BIRC6: variants seen among roughly 807,000 people sequenced by gnomAD.
BIRC6 encodes the protein baculoviral IAP repeat containing 6.
A neutral mutation model predicts 503.3 loss-of-function variants in BIRC6; 98 were observed. The observed-to-expected ratio is 0.19, with a 90% confidence interval of 0.17 to 0.23. The LOEUF is 0.23. Among genes scored for constraint, BIRC6 ranks in the 10% least tolerant of loss-of-function variants. The pLI is 1.00. For synonymous variants in BIRC6, 2,240 were observed against 2,078.7 expected (o/e 1.08, Z -2.11); for missense variants, 5,360 against 5,806.0 (o/e 0.92, Z 2.50).
At chr2:32,511,812 T>A (rs1346948629) in intron 53 of BIRC6, among the ~76,000 whole-genome samples, 1 of 152,126 alleles carries the variant, frequency 6.6e-6, no homozygotes, top group Non-Finnish European at 1.5e-5. Context: ...TTTATTAATA[T>A]CTTTATAAAT....
At chr2:32,524,509 T>C (rs929096412) in intron 57 of BIRC6, among the ~76,000 whole-genome samples, 7 of 152,194 alleles carry the variant, frequency 4.6e-5, no homozygotes, top group Admixed American at 2.6e-4. Flanking sequence ...ATTTTGAAAA[T>C]AACATTCATT....
intron 10 of BIRC6, among the ~76,000 whole-genome samples, chr2:32,424,480 T>A (rs574949535): frequency 1.3e-5 from 2 of 151,378 alleles, no homozygotes; most frequent in East Asian, 3.9e-4. Flanking sequence ...TACCTAGGAG[T>A]GGAATTGTTG....
At chr2:32,557,792 C>G (rs1663400081) in intron 65 of BIRC6, 1 of 152,184 alleles carries the variant, frequency 6.6e-6, no homozygotes, top group Non-Finnish European at 1.5e-5. Context: ...ATAGATTCTT[C>G]TTTTTCTTCT....
rs1553537392 is a variant in BIRC6 at position 32,613,379 on chromosome 2, T to TTTA, written c.14394+1799_14394+1800insATT. On this transcript the variant is annotated intron_variant, in intron 73 of 73. Coordinates refer to ENST00000421745, the MANE Select transcript of BIRC6 (RefSeq NM_016252.4). ...TTTGTATTTTTATTTTCATTATTTA[T>TTTA]TTTATTTATTTATTTATTTTAGATG... Among the ~76,000 whole-genome samples the TTTA allele has an allele frequency of 2.0e-5, 3 of 151,918 alleles. No individual in the cohort carries two copies. The East Asian group carries it at 5.8e-4, about 29-fold the overall frequency.
intron 6 of BIRC6, among the ~76,000 whole-genome samples, chr2:32,396,761 T>C (rs1242706299): frequency 1.3e-5 from 2 of 152,218 alleles, no homozygotes; most frequent in East Asian, 3.9e-4. Context: ...TCTTGCTCTG[T>C]TGCCCAGACT....
At chr2:32,597,663 G>A in intron 68 of BIRC6, 88 bp from the exon 69 acceptor site, 1 of 935,852 alleles carries the variant, frequency 1.1e-6, no homozygotes, top group Non-Finnish European at 1.7e-6. Flanking sequence ...CTCCAGTTGA[G>A]TGGGAGAAGG....
chr2:32,579,903 G>A (rs2060549854), intron 66 of BIRC6, among the ~76,000 whole-genome samples: 1 of 150,112 alleles, frequency 6.7e-6, no homozygotes, highest in African/African-American at 2.5e-5. Flanking sequence ...TAGAAAATTG[G>A]TCTTCTTTCT....
At chr2:32,461,074 TCTCCTCTCCTCTCCTCTCCTCTCCTCTC>T (rs2047898461) in intron 23 of BIRC6, among the ~76,000 whole-genome samples, 2 of 4,854 alleles carry the variant, frequency 4.1e-4, no homozygotes, top group African/African-American at 1.5e-3. Context: ...TCTGTTCTCC[TCTCCTCTCCTCTCCTCTCCTCTCCTCTC>T]CTCTCCTCTC....
chr2:32,407,154 T>A (rs1265685893), intron 9 of BIRC6, among the ~76,000 whole-genome samples: 1 of 152,008 alleles, frequency 6.6e-6, no homozygotes, highest in East Asian at 1.9e-4. Context: ...ATTTAGAGTT[T>A]TAAGAATTAG....
intron 36 of BIRC6, 27 bp downstream of exon 36, chr2:32,478,845 T>C (rs778575524): frequency 6.2e-7 from 1 of 1,601,852 alleles, no homozygotes. Context: ...CTTCATAGAG[T>C]ATGTCAAAAT....
chr2:32,442,233 A>C lies in BIRC6; in HGVS notation c.4106+7A>C. On this transcript the variant is annotated splice_region_variant and intron_variant, in intron 18 of 73. Transcript: ENST00000421745. The stretch of plus-strand genomic sequence containing the variant: ...ATTCAAATGGACCCGGAAGGTTAAT[A>C]ATTAAAATTTTGCTTACCACTGTTG... 6.2e-7 allele frequency: 1 copy of C among 1,602,456 alleles called. No homozygotes were observed. The highest frequency in any genetic ancestry group is 8.5e-7 in the Non-Finnish European group (1 of 1,174,542).
At chr2:32,608,220 G>A (rs533964724) in intron 72 of BIRC6, among the ~76,000 whole-genome samples, 8 of 150,620 alleles carry the variant, frequency 5.3e-5, no homozygotes, top group Non-Finnish European at 7.4e-5. Context: ...CTGAGCCCAC[G>A]AGTTTGAGGC....
Position 32,370,865 on chromosome 2 carries a change from G to A in BIRC6, c.326-6723G>A, listed in dbSNP as rs956193690. ...GTTGAAGTCTGATGAGATGTCAGTG[G>A]AAATGGAGTTTTACAGTGTATTGTC... On this transcript the variant is annotated intron_variant, in intron 1 of 73. Transcript: ENST00000421745. Among the ~76,000 whole-genome samples, 4 of 152,086 alleles carry A rather than the reference G, an allele frequency of 2.6e-5. No individual in the cohort carries two copies. The East Asian group carries it at 7.7e-4, about 29-fold the overall frequency.
At chr2:32,515,829 A>G in intron 55 of BIRC6, 59 bp downstream of exon 55, 2 of 1,433,090 alleles carry the variant, frequency 1.4e-6, no homozygotes, top group Non-Finnish European at 9.3e-7. Context: ...AGGGCCATGT[A>G]TAAAGGCCAG....
chr2:32,405,850 AGTTGCTGCT>A (rs1446267222), intron 8 of BIRC6, among the ~76,000 whole-genome samples: 1 of 152,178 alleles, frequency 6.6e-6, no homozygotes, highest in East Asian at 1.9e-4. Context: ...TGATTTTATT[AGTTGCTGCT>A]GTCTTTTATA....
chr2:32,616,363 G>T (rs761284299), intron 73 of BIRC6, among the ~76,000 whole-genome samples: 6 of 151,754 alleles, frequency 4.0e-5, no homozygotes, highest in Admixed American at 6.6e-5. Context: ...TTCGAGACCA[G>T]CCTGGCCAAG....
intron 14 of BIRC6, 69 bp downstream of exon 14, chr2:32,435,654 G>T: frequency 1.4e-6 from 2 of 1,436,170 alleles, no homozygotes; most frequent in Non-Finnish European, 9.2e-7. Context: ...AACATGTCGG[G>T]CAAGATTTCC....
chr2:32,547,298 G>C (rs2058118654), intron 63 of BIRC6, among the ~76,000 whole-genome samples: 1 of 151,950 alleles, frequency 6.6e-6, no homozygotes. Flanking sequence ...ATAAATATTT[G>C]AAAATTTGTA....
In BIRC6 at chr2:32,587,096, TA is replaced by T. The variant is rs554375389; in HGVS notation, c.13356-6818del. Among the ~76,000 whole-genome samples the T allele has an allele frequency of 3.6e-3, 545 of 152,308 alleles. 3 individuals are homozygous for T. The highest frequency in any genetic ancestry group is 0.013 in the African/African-American group (525 of 41,572). ...TCTAATATTTAGGATATTTAAGAAT[TA>T]TTTTTAAGGGGCCGGACATTGTGGC... On this transcript the variant is annotated intron_variant, in intron 66 of 73. Coordinates refer to ENST00000421745, the MANE Select transcript of BIRC6 (RefSeq NM_016252.4).
Sources: gnomAD v4.1 joint callset for allele counts (sites outside exome capture counted in the v4.1 genomes callset) on GRCh38, gnomAD v4.1.1 for gene constraint, MANE v1.5 for transcripts, NCBI Gene and HGNC (gene_info 2026-07-23, HGNC 2026-07-21) for gene names.